Variants in TESPA1 observed in about 807,000 individuals in gnomAD.
TESPA1 encodes the protein thymocyte expressed, positive selection associated 1.
Under a neutral mutation model 57.9 loss-of-function variants are expected in TESPA1, and 33 were observed. That is an observed-to-expected ratio of 0.57 (90% CI 0.43 to 0.76). TESPA1 has a LOEUF of 0.76. Ranked by LOEUF, TESPA1 falls within the 30% of genes least tolerant of loss-of-function variation. The probability of loss-of-function intolerance (pLI) is 0.00; values close to 1 mark genes in which losing one functional copy is unlikely to be tolerated. For synonymous variants in TESPA1, 227 were observed against 228.9 expected, an observed-to-expected ratio of 0.99 and a Z score of 0.07; for missense variants, 618 against 632.9, an observed-to-expected ratio of 0.98 and a Z score of 0.25.
intron 1 of TESPA1, among the ~76,000 whole-genome samples, chr12:54,978,595 C>T (rs1348303633): frequency 2.0e-5 from 3 of 152,186 alleles, no homozygotes; most frequent in African/African-American, 4.8e-5. Flanking sequence ...GCACATGCGA[C>T]CTTCACATTG....
At chr12:54,957,393 G>A (rs572323544) in intron 10 of TESPA1, among the ~76,000 whole-genome samples, 1 of 152,308 alleles carries the variant, frequency 6.6e-6, no homozygotes, top group Non-Finnish European at 1.5e-5. Context: ...AGGCAGAAGT[G>A]GGACTATTTC....
rs1459360213 is a variant in TESPA1 at position 54,963,800 on chromosome 12, G to A, written c.597C>T (p.Leu199=). Residue 199 remains leucine (L), a synonymous_variant, in exon 8 of 11, where the codon CTC becomes CTT. Coordinates refer to ENST00000449076, the MANE Select transcript of TESPA1 (RefSeq NM_001136030.3). ...PSQAKGIDFQ[L]FLKSQVRRIE... is the part of the protein sequence containing the mutation. ...TCCTCCGCACCTGGGACTTCAGGAA[G>A]AGCTGGAAATCAATGCCCTTGGCCT... is the stretch of plus-strand genomic sequence containing the variant. 1 of 1,613,870 alleles carries A rather than the reference G, an allele frequency of 6.2e-7. No individual in the cohort carries two copies. The highest frequency in any genetic ancestry group is 8.5e-7 in the Non-Finnish European group (1 of 1,179,892).
chr12:54,956,302 A>G (rs993190804), intron 10 of TESPA1, among the ~76,000 whole-genome samples: 71 of 152,338 alleles, frequency 4.7e-4, no homozygotes, highest in African/African-American at 1.7e-3. Flanking sequence ...AGGGGTGACC[A>G]TAAAAATGAA....
chr12:54,973,464 G>A lies in TESPA1; in HGVS notation c.206+13C>T. ...TCAGCCACATACCACCCCATTGCCT[G>A]TCCAGCACTTACCCGCAATCCTGCA... On this transcript the variant is annotated intron_variant, in intron 3 of 10. Transcript: ENST00000449076. The A allele has an allele frequency of 6.2e-7, 1 of 1,613,914 alleles. No individual in the cohort carries two copies. The highest frequency in any genetic ancestry group is 8.5e-7 in the Non-Finnish European group (1 of 1,179,862).
chr12:54,966,941 G>A (rs1951477626), intron 5 of TESPA1, among the ~76,000 whole-genome samples: 1 of 152,166 alleles, frequency 6.6e-6, no homozygotes, highest in South Asian at 2.1e-4. Context: ...CATCCCAGGG[G>A]CCAAAGGAAA....
Position 54,962,672 on chromosome 12 carries a change from A to C in TESPA1, c.1226T>G (p.Ile409Arg), listed in dbSNP as rs779828908. ...TGGTAGACTACACAGCTCTCTCCTT[A>C]TCTGAGCTGGGTCTGTGCTCCACTG... is the stretch of plus-strand genomic sequence containing the variant. ...DPQWSTDPAQ[I>R]RRELCSLPAT... The change falls in exon 9 of 11, where the codon ATA becomes AGA. Residue 409 changes from isoleucine (I) to arginine (R), a missense_variant. By Grantham distance (97) the Ile-to-Arg change is moderately conservative. Transcript: ENST00000449076. 6.2e-7 allele frequency: 1 copy of C among 1,613,688 alleles called. No homozygotes were observed. Among genetic ancestry groups the C allele is most frequent in the South Asian group, 1.1e-5 (1 of 91,072 alleles).
Position 54,973,936 on chromosome 12 carries a change from C to A in TESPA1, c.164-417G>T, listed in dbSNP as rs564563319. The A allele has an allele frequency of 1.1e-4, 115 of 1,022,330 alleles. No individual in the cohort carries two copies. In the African/African-American group the frequency reaches 1.8e-3, roughly 16 times the overall value. The allele number at this position is 1,022,330 out of a possible 1,614,324, so 63.3% of individuals were successfully genotyped here. A position where few individuals can be genotyped will look rare whatever the true frequency, so the allele number is the denominator to read the frequency against. ...TCTTATGACTGTGGTCTCATCTGAA[C>A]CTCAAAGAAGCTCTGAGAAGTGTAG... On this transcript the variant is annotated intron_variant, in intron 2 of 10. Coordinates refer to ENST00000449076, the MANE Select transcript of TESPA1 (RefSeq NM_001136030.3).
At chr12:54,952,901 T>C (rs774109738) in intron 10 of TESPA1, among the ~76,000 whole-genome samples, 29 of 152,228 alleles carry the variant, frequency 1.9e-4, no homozygotes, top group Non-Finnish European at 7.3e-5. Context: ...AGAGGAAACC[T>C]GTATGCCCTA....
intron 1 of TESPA1, among the ~76,000 whole-genome samples, chr12:54,982,350 C>T (rs1378606466): frequency 6.6e-6 from 1 of 152,146 alleles, no homozygotes; most frequent in African/African-American, 2.4e-5. Context: ...AGAGATGTTA[C>T]TTGGTAAATA....
intron 10 of TESPA1, among the ~76,000 whole-genome samples, chr12:54,959,739 G>C (rs1950961497): frequency 6.6e-6 from 1 of 152,188 alleles, no homozygotes; most frequent in Non-Finnish European, 1.5e-5. Context: ...GTCTAGAACG[G>C]TTACTAATTT....
intron 3 of TESPA1, chr12:54,968,145 G>A: frequency 1.3e-6 from 1 of 753,094 alleles, no homozygotes; most frequent in South Asian, 1.8e-5. Context: ...CAGGACTAAA[G>A]GACGAAAGTC....
At chr12:54,973,406 T>A (rs1295783987) in intron 3 of TESPA1, 71 bp downstream of exon 3, 2 of 1,603,250 alleles carry the variant, frequency 1.2e-6, no homozygotes, top group East Asian at 4.5e-5. Flanking sequence ...TCTCTGAGTT[T>A]CCAGGAGTTG....
intron 10 of TESPA1, among the ~76,000 whole-genome samples, chr12:54,951,251 C>T (rs1950368867): frequency 6.6e-6 from 1 of 152,142 alleles, no homozygotes; most frequent in Non-Finnish European, 1.5e-5. Flanking sequence ...TGTAGCTCTT[C>T]CCCCTTCTCT....
intron 4 of TESPA1, 53 bp downstream of exon 4, chr12:54,967,790 G>C: frequency 1.2e-6 from 2 of 1,601,430 alleles, no homozygotes; most frequent in South Asian, 2.2e-5. Context: ...CACACGCACA[G>C]GTATATCACT....
intron 5 of TESPA1, among the ~76,000 whole-genome samples, chr12:54,966,930 T>C (rs192584927): frequency 1.1e-4 from 16 of 152,320 alleles, no homozygotes; most frequent in African/African-American, 3.8e-4. Context: ...TTATATGTTA[T>C]CATCCCAGGG....
At chr12:54,977,372 CTA>C (rs1294057396) in intron 1 of TESPA1, among the ~76,000 whole-genome samples, 1 of 152,098 alleles carries the variant, frequency 6.6e-6, no homozygotes, top group Non-Finnish European at 1.5e-5. Context: ...AAGCTGGTAA[CTA>C]TGTGCTTACT....
At chr12:54,977,729 T>C (rs1361791511) in intron 1 of TESPA1, among the ~76,000 whole-genome samples, 2 of 152,194 alleles carry the variant, frequency 1.3e-5, no homozygotes, top group Non-Finnish European at 2.9e-5. Flanking sequence ...AATGTAATAA[T>C]TTTTCTACTT....
chr12:54,958,539 G>T (rs2136069539), intron 10 of TESPA1, among the ~76,000 whole-genome samples: 1 of 151,990 alleles, frequency 6.6e-6, no homozygotes, highest in Middle Eastern at 3.4e-3. Flanking sequence ...GAGCTCTCTG[G>T]ATCTGTGGTT....
intron 10 of TESPA1, among the ~76,000 whole-genome samples, chr12:54,959,733 AG>A (rs1950961182): frequency 6.6e-6 from 1 of 152,234 alleles, no homozygotes; most frequent in Admixed American, 6.5e-5. Context: ...TGATGGGTCT[AG>A]AACGGTTACT....
Sources: allele counts gnomAD v4.1 joint callset (sites outside exome capture counted in the v4.1 genomes callset), GRCh38; gene constraint gnomAD v4.1.1; transcripts MANE v1.5; gene names NCBI Gene and HGNC (gene_info 2026-07-23, HGNC 2026-07-21).